Variants in EPHX2 observed in about 807,000 individuals in gnomAD.
EPHX2 encodes the protein epoxide hydrolase 2.
EPHX2 carries 74 observed loss-of-function variants against 78.7 expected under a neutral mutation model. The observed-to-expected ratio is 0.94, with a 90% confidence interval of 0.78 to 1.14. The LOEUF is 1.14. Among genes scored for constraint, EPHX2 ranks in the 50% most tolerant of loss-of-function variants. EPHX2 has a pLI of 0.00. For synonymous variants in EPHX2, 251 were observed against 255.2 expected (o/e 0.98, Z 0.16); for missense variants, 715 against 702.5 (o/e 1.02, Z -0.20).
chr8:27,492,086 C>T (rs1213111175), intron 1 of EPHX2, among the ~76,000 whole-genome samples: 1 of 152,100 alleles, frequency 6.6e-6, no homozygotes. Context: ...TCATATCCTC[C>T]TTTTACATAT....
intron 16 of EPHX2, among the ~76,000 whole-genome samples, chr8:27,542,598 G>A (rs182135195): frequency 7.2e-5 from 11 of 152,264 alleles, no homozygotes; most frequent in South Asian, 2.1e-4. Flanking sequence ...TGACAAAGGC[G>A]CTGGGAAGGT....
intron 12 of EPHX2, among the ~76,000 whole-genome samples, chr8:27,527,503 A>G (rs1320044179): frequency 2.6e-5 from 4 of 152,158 alleles, no homozygotes; most frequent in Admixed American, 2.6e-4. Context: ...GAACTTTTTC[A>G]TCTTCCCAAC....
intron 11 of EPHX2, 141 bp downstream of exon 11, chr8:27,522,649 G>A (rs2132759986): frequency 1.2e-6 from 1 of 825,884 alleles, no homozygotes; most frequent in Non-Finnish European, 1.9e-6. Flanking sequence ...ACTCTTTAGT[G>A]TCTGGTGACA....
At chr8:27,535,084 G>T (rs1815169599) in intron 12 of EPHX2, among the ~76,000 whole-genome samples, 1 of 152,194 alleles carries the variant, frequency 6.6e-6, no homozygotes, top group African/African-American at 2.4e-5. Flanking sequence ...GGAAGGAGAG[G>T]AGAGTCAGTT....
intron 12 of EPHX2, among the ~76,000 whole-genome samples, chr8:27,530,144 C>A (rs900899774): frequency 1.3e-5 from 2 of 152,010 alleles, no homozygotes; most frequent in African/African-American, 4.8e-5. Flanking sequence ...CCTCAGCCTC[C>A]CAAACTGCTG....
rs147507357 is a variant in EPHX2 at position 27,515,892 on chromosome 8, G to A, written c.831+79G>A. 1,092 of 1,262,878 alleles carry A rather than the reference G, an allele frequency of 8.6e-4. 9 individuals are homozygous for A. The East Asian group carries it at 0.017, about 20-fold the overall frequency. 78.2% of individuals were successfully genotyped at this position (1,262,878 alleles called of 1,614,324 possible). A position where few individuals can be genotyped will look rare whatever the true frequency, so the allele number is the denominator to read the frequency against. Reference sequence around the variant, plus strand: ...ATGGTGTGGTCCGACGTGGACTGTCGTGAGGAAGCTGAAACCTGACAGTGG... The same window carrying A: ...ATGGTGTGGTCCGACGTGGACTGTCATGAGGAAGCTGAAACCTGACAGTGG... On this transcript the variant is annotated intron_variant, in intron 7 of 18. Transcript: ENST00000521400.
In EPHX2 at chr8:27,505,018, G is replaced by A. The variant is rs1563342840; in HGVS notation, c.409G>A (p.Ala137Thr). The A allele has an allele frequency of 6.2e-7, 1 of 1,614,158 alleles. No homozygotes were observed. Among genetic ancestry groups the A allele is most frequent in the Admixed American group, 1.7e-5 (1 of 60,018 alleles). Residue 137 changes from alanine to threonine, a missense_variant, in exon 4 of 19, where the codon GCC becomes ACC. Ala to Thr is a moderately conservative substitution (Grantham distance 58, BLOSUM62 0). Coordinates refer to ENST00000521400, the MANE Select transcript of EPHX2 (RefSeq NM_001979.6). ...CGACCGTGCTGAGAGAGATGGCCTG[G>A]CCCAGCTGATGTGTGAGCTGAAGAT... is the stretch of plus-strand genomic sequence containing the variant. ...LDDRAERDGL[A>T]QLMCELKMHF...
At chr8:27,505,545 C>A (rs1813971809) in intron 4 of EPHX2, among the ~76,000 whole-genome samples, 1 of 152,238 alleles carries the variant, frequency 6.6e-6, no homozygotes, top group South Asian at 2.1e-4. Context: ...ACCAGACACC[C>A]TGTGCCCTGA....
At position 27,544,704 on chromosome 8, in the gene EPHX2, T is replaced by C; in HGVS notation, c.*182T>C. 1.1e-5 allele frequency: 7 copies of C among 635,676 alleles called. No individual in the cohort carries two copies. In the South Asian group the frequency reaches 1.4e-4, roughly 13 times the overall value. The allele number at this position is 635,676 out of a possible 1,614,324, so 39.4% of individuals were successfully genotyped here. ...GAATCAAATTTGACATTATTTTAGATCCCAGAGAAATCAGGTGTGATTAGT... is the reference window on the plus strand; with the variant it reads ...GAATCAAATTTGACATTATTTTAGACCCCAGAGAAATCAGGTGTGATTAGT... On this transcript the variant is annotated 3_prime_UTR_variant, in exon 19 of 19. Transcript: ENST00000521400.
At chr8:27,536,965 C>A in intron 13 of EPHX2, 110 bp downstream of exon 13, 2 of 1,150,906 alleles carry the variant, frequency 1.7e-6, no homozygotes, top group East Asian at 2.5e-5. Context: ...CCTTTTCTTT[C>A]ATTTCTATAG....
chr8:27,544,412 AT>A (rs1220599456), intron 18 of EPHX2, 31 bp from the exon 19 acceptor site: 3 of 1,613,266 alleles, frequency 1.9e-6, no homozygotes, highest in Non-Finnish European at 1.7e-6. Context: ...GTGAATGGCT[AT>A]TTTTTTCTTT....
At chr8:27,547,967 C>A (rs918727282), downstream of EPHX2, among the ~76,000 whole-genome samples, 1 of 152,224 alleles carries the variant, frequency 6.6e-6, no homozygotes, top group East Asian at 1.9e-4. Flanking sequence ...CAAGTATATT[C>A]CCCTCTGCTA....
In EPHX2 at chr8:27,520,159, T is replaced by A. The variant is rs1315442538; in HGVS notation, c.946-724T>A. Among the ~76,000 whole-genome samples the A allele has an allele frequency of 2.0e-5, 3 of 151,078 alleles. No homozygotes were observed. In the East Asian group the frequency reaches 5.9e-4, roughly 29 times the overall value. On this transcript the variant is annotated intron_variant, in intron 9 of 18. Coordinates refer to ENST00000521400, the MANE Select transcript of EPHX2 (RefSeq NM_001979.6). Reference sequence around the variant, plus strand: ...GCCCAGCCTAATCTCTCCTTTTTTTTTAATTTTATTTTTTTTATTTTTTTG... The same window carrying A: ...GCCCAGCCTAATCTCTCCTTTTTTTATAATTTTATTTTTTTTATTTTTTTG...
At chr8:27,534,772 G>A (rs1815157208) in intron 12 of EPHX2, among the ~76,000 whole-genome samples, 1 of 152,254 alleles carries the variant, frequency 6.6e-6, no homozygotes, top group Admixed American at 6.5e-5. Flanking sequence ...CTCAAAGGCA[G>A]CCACAGATGC....
intron 12 of EPHX2, among the ~76,000 whole-genome samples, chr8:27,529,919 GC>G (rs1814975870): frequency 1.3e-5 from 2 of 151,528 alleles, no homozygotes; most frequent in Non-Finnish European, 2.9e-5. Context: ...AGAAAAAAGA[GC>G]CCTTTTATTT....
chr8:27,542,592 A>G (rs1815437634), intron 16 of EPHX2, among the ~76,000 whole-genome samples: 1 of 152,192 alleles, frequency 6.6e-6, no homozygotes. Flanking sequence ...AAATATTGAC[A>G]AAGGCGCTGG....
chr8:27,524,425 C>T (rs1814754140), intron 11 of EPHX2, among the ~76,000 whole-genome samples: 1 of 152,188 alleles, frequency 6.6e-6, no homozygotes, highest in Non-Finnish European at 1.5e-5. Context: ...CTGACTGCAA[C>T]TCGGATCCAC....
At chr8:27,508,318 C>T (rs559546648) in intron 5 of EPHX2, among the ~76,000 whole-genome samples, 2 of 152,106 alleles carry the variant, frequency 1.3e-5, no homozygotes, top group East Asian at 3.9e-4. Context: ...AACAAACAAA[C>T]AAAAAAGTAT....
At chr8:27,546,385 A>T (rs866236553), downstream of EPHX2, among the ~76,000 whole-genome samples, 1 of 152,174 alleles carries the variant, frequency 6.6e-6, no homozygotes, top group Non-Finnish European at 1.5e-5. Context: ...CAGCTATAAG[A>T]TTTCCAGTTT....
Sources: gnomAD v4.1 joint callset for allele counts (sites outside exome capture counted in the v4.1 genomes callset) on GRCh38, gnomAD v4.1.1 for gene constraint, MANE v1.5 for transcripts, NCBI Gene and HGNC (gene_info 2026-07-23, HGNC 2026-07-21) for gene names.